The following TTC28 variants were observed in gnomAD, a reference collection of about 807,000 sequenced individuals.
TTC28 encodes the protein tetratricopeptide repeat domain 28.
TTC28 carries 61 observed loss-of-function variants against 198.0 expected under a neutral mutation model. The ratio of observed to expected loss-of-function variants is 0.31; its 90% confidence interval spans 0.25 to 0.38. The LOEUF (loss-of-function observed/expected upper bound fraction) is 0.38. Among genes scored for constraint, TTC28 ranks in the 10% least tolerant of loss-of-function variants. The pLI is 1.00. For missense variants in TTC28, 2,678 were observed against 3,164.0 expected, an observed-to-expected ratio of 0.85 and a Z score of 3.69; for synonymous variants, 1,171 against 1,297.8, an observed-to-expected ratio of 0.90 and a Z score of 2.10.
chr22:28,347,783 T>C lies in TTC28; in HGVS notation c.382-41140A>G, dbSNP rs367576167. On this transcript the variant is annotated intron_variant, in intron 2 of 22. Transcript: ENST00000397906. ...AGCTACTCAAGTGGCTGAGGCAGAA[T>C]AATTGCTGGAACCCAGGAGGCGGAG... Among the ~76,000 whole-genome samples the C allele has an allele frequency of 5.9e-5, 9 of 152,130 alleles. No homozygotes were observed. In the East Asian group the frequency reaches 1.2e-3, roughly 20 times the overall value.
At chr22:27,984,935 C>T (rs1269037193) in intron 22 of TTC28, among the ~76,000 whole-genome samples, 2 of 152,176 alleles carry the variant, frequency 1.3e-5, no homozygotes, top group African/African-American at 2.4e-5. Flanking sequence ...GTGTCCGCTC[C>T]GGTCAGGCCC....
intron 12 of TTC28, among the ~76,000 whole-genome samples, chr22:28,046,852 C>T (rs188738213): frequency 2.0e-5 from 3 of 152,102 alleles, no homozygotes; most frequent in East Asian, 1.9e-4. Flanking sequence ...TGTGGATATA[C>T]GTGCATGTGT....
intron 12 of TTC28, among the ~76,000 whole-genome samples, chr22:28,081,060 G>A (rs118067492): frequency 0.035 from 5,268 of 151,580 alleles, 142 homozygotes; most frequent in Non-Finnish European, 0.054. Context: ...GTTTATGTCA[G>A]TATCATATTG....
At chr22:28,445,665 C>G (rs1233415425) in intron 2 of TTC28, among the ~76,000 whole-genome samples, 1 of 152,182 alleles carries the variant, frequency 6.6e-6, no homozygotes, top group African/African-American at 2.4e-5. Context: ...TGCTCTCTGC[C>G]TGGATTACTC....
At chr22:28,298,572 C>G (rs982943916) in intron 3 of TTC28, among the ~76,000 whole-genome samples, 4 of 152,038 alleles carry the variant, frequency 2.6e-5, no homozygotes, top group African/African-American at 9.7e-5. Context: ...CCTCAGCCTC[C>G]CAAGTAGCTA....
chr22:27,990,835 AAAAGAAAGAAAG>A, intron 19 of TTC28, 23 bp from the exon 20 acceptor site: 1 of 1,546,446 alleles, frequency 6.5e-7, no homozygotes, highest in Non-Finnish European at 8.7e-7. Context: ...GATTATAAGA[AAAAGAAAGAAAG>A]AGAGAAAGAA....
chr22:28,213,600 C>A (rs2147184625), intron 5 of TTC28, among the ~76,000 whole-genome samples: 1 of 121,308 alleles, frequency 8.2e-6, no homozygotes, highest in African/African-American at 3.3e-5. Flanking sequence ...TCAAGGAGAA[C>A]TACAAACCAC....
chr22:28,452,882 T>C (rs1353683879), intron 2 of TTC28, among the ~76,000 whole-genome samples: 1 of 152,198 alleles, frequency 6.6e-6, no homozygotes, highest in Non-Finnish European at 1.5e-5. Context: ...GCCCCAGTTC[T>C]TTACCAGAAC....
intron 2 of TTC28, among the ~76,000 whole-genome samples, chr22:28,462,140 T>C (rs2047958622): frequency 6.6e-6 from 1 of 152,266 alleles, no homozygotes; most frequent in Non-Finnish European, 1.5e-5. Flanking sequence ...TGATAGCTCA[T>C]ATTATTTGTT....
chr22:28,083,789 T>C (rs1328582739), intron 12 of TTC28, among the ~76,000 whole-genome samples: 1 of 152,240 alleles, frequency 6.6e-6, no homozygotes, highest in African/African-American at 2.4e-5. Context: ...AGACGGCACC[T>C]GGAAAATCGG....
intron 2 of TTC28, among the ~76,000 whole-genome samples, chr22:28,560,045 A>G (rs554792277): frequency 6.6e-6 from 1 of 152,262 alleles, no homozygotes; most frequent in Admixed American, 6.5e-5. Flanking sequence ...CTCCCCTCCA[A>G]AAAAAGAATT....
At chr22:28,315,540 TTTGAG>T (rs1346603603) in intron 2 of TTC28, among the ~76,000 whole-genome samples, 2 of 152,194 alleles carry the variant, frequency 1.3e-5, no homozygotes, top group Admixed American at 6.5e-5. Flanking sequence ...TGTGGTCCAG[TTTGAG>T]TTAATTCTTA....
intron 2 of TTC28, among the ~76,000 whole-genome samples, chr22:28,545,670 T>G (rs1364256970): frequency 6.6e-6 from 1 of 152,150 alleles, no homozygotes; most frequent in African/African-American, 2.4e-5. Context: ...TCAATTGTAT[T>G]TCTAATACTA....
intron 2 of TTC28, among the ~76,000 whole-genome samples, chr22:28,422,090 G>A (rs766495913): frequency 2.6e-5 from 4 of 152,166 alleles, no homozygotes; most frequent in Non-Finnish European, 4.4e-5. Flanking sequence ...TAAAATGAAA[G>A]GAGAGGAGTA....
At chr22:28,463,524 CAAT>C (rs1355402406) in intron 2 of TTC28, among the ~76,000 whole-genome samples, 2 of 152,122 alleles carry the variant, frequency 1.3e-5, no homozygotes, top group Non-Finnish European at 2.9e-5. Context: ...AAATGCCCAA[CAAT>C]GATAGACTGG....
At chr22:28,526,323 A>C (rs753244589) in intron 2 of TTC28, among the ~76,000 whole-genome samples, 4 of 152,216 alleles carry the variant, frequency 2.6e-5, no homozygotes, top group African/African-American at 4.8e-5. Flanking sequence ...TTCGATAATA[A>C]AATGCAGTTT....
rs1054950550 is a variant in TTC28, at chr22:28,336,045, C to T, written c.382-29402G>A. Among the ~76,000 whole-genome samples the T allele has an allele frequency of 1.1e-4, 17 of 152,172 alleles. No individual in the cohort carries two copies. The East Asian group carries it at 1.2e-3, about 10-fold the overall frequency. ...CCTAATTTATTGAGAGTTTTTAGCA[C>T]GAAGGGCTGTTGAATTTTGTCAAAG... On this transcript the variant is annotated intron_variant, in intron 2 of 22. Transcript: ENST00000397906.
intron 1 of TTC28, among the ~76,000 whole-genome samples, chr22:28,677,421 TG>T (rs1357357441): frequency 1.3e-5 from 2 of 151,482 alleles, no homozygotes; most frequent in Non-Finnish European, 2.9e-5. Context: ...ACGAGGCAGG[TG>T]GATCACCAGA....
intron 5 of TTC28, among the ~76,000 whole-genome samples, chr22:28,292,775 G>A (rs1205357645): frequency 1.3e-5 from 2 of 152,100 alleles, no homozygotes; most frequent in Admixed American, 1.3e-4. Flanking sequence ...ATCATTTATT[G>A]CTGAAACAAT....
Sources: gnomAD v4.1 joint callset for allele counts (sites outside exome capture counted in the v4.1 genomes callset) on GRCh38, gnomAD v4.1.1 for gene constraint, MANE v1.5 for transcripts, NCBI Gene and HGNC (gene_info 2026-07-23, HGNC 2026-07-21) for gene names.